CFAP299: variants seen among roughly 807,000 people sequenced by gnomAD.
The protein encoded by CFAP299 is cilia and flagella associated protein 299.
In CFAP299, 21 loss-of-function variants were observed where a neutral mutation model predicts 27.0. The observed-to-expected ratio is 0.78, with a 90% CI of 0.55 to 1.12. CFAP299 has a LOEUF of 1.12. CFAP299 is among the 50% of genes most tolerant of loss of function. CFAP299 has a pLI of 0.00. For missense variants in CFAP299, 310 were observed against 276.6 expected (o/e 1.12, Z -0.86); for synonymous variants, 104 against 98.1 (o/e 1.06, Z -0.36).
chr4:80,601,663 ATACC>A (rs1240983413), intron 3 of CFAP299, among the ~76,000 whole-genome samples: 5 of 152,172 alleles, frequency 3.3e-5, no homozygotes, highest in African/African-American at 1.2e-4. Context: ...ATAGTGGACA[ATACC>A]TAGGGTCACC....
intron 4 of CFAP299, among the ~76,000 whole-genome samples, chr4:80,891,463 T>C (rs1364687459): frequency 6.7e-6 from 1 of 150,164 alleles, no homozygotes; most frequent in Non-Finnish European, 1.5e-5. Context: ...ATGTCCTTTG[T>C]AGGGACATGG....
intron 2 of CFAP299, among the ~76,000 whole-genome samples, chr4:80,558,353 TGTTTG>T (rs1734877011): frequency 1.7e-4 from 24 of 143,760 alleles, no homozygotes; most frequent in African/African-American, 5.7e-4. Context: ...TTTGTTTGTT[TGTTTG>T]TTTGTTTGTT....
the CFAP299 span, among the ~76,000 whole-genome samples, chr4:80,324,948 C>A: frequency 6.6e-6 from 1 of 152,144 alleles, no homozygotes; most frequent in Admixed American, 6.5e-5. Context: ...CATGGCAAAA[C>A]CCTGTCTCTA....
chr4:80,914,618 T>A (rs1735655504), intron 4 of CFAP299, among the ~76,000 whole-genome samples: 1 of 152,164 alleles, frequency 6.6e-6, no homozygotes, highest in South Asian at 2.1e-4. Context: ...TAATTTACAT[T>A]TCTCTAATGA....
intron 3 of CFAP299, among the ~76,000 whole-genome samples, chr4:80,725,568 G>A (rs1457359211): frequency 1.3e-5 from 2 of 152,098 alleles, no homozygotes. Flanking sequence ...AATTAGTTAG[G>A]CAACTACCCC....
chr4:80,634,059 C>G (rs181350415), intron 3 of CFAP299, among the ~76,000 whole-genome samples: 1 of 148,988 alleles, frequency 6.7e-6, no homozygotes, highest in Admixed American at 6.7e-5. Flanking sequence ...TCTCGGCTCA[C>G]TGCATCCTTC....
intron 2 of CFAP299, among the ~76,000 whole-genome samples, chr4:80,469,137 C>T (rs1456919918): frequency 6.6e-6 from 1 of 152,132 alleles, no homozygotes; most frequent in Non-Finnish European, 1.5e-5. Context: ...ATCAGCATCA[C>T]CTGGGAATTT....
intron 2 of CFAP299, among the ~76,000 whole-genome samples, chr4:80,522,088 G>C (rs1258548389): frequency 6.6e-6 from 1 of 151,864 alleles, no homozygotes; most frequent in African/African-American, 2.4e-5. Context: ...CCCATCAAAA[G>C]TGCATAAGGG....
chr4:80,548,467 C>T (rs1734348723), intron 2 of CFAP299, among the ~76,000 whole-genome samples: 1 of 152,040 alleles, frequency 6.6e-6, no homozygotes, highest in African/African-American at 2.4e-5. Flanking sequence ...TGGGATTATT[C>T]GTATGTCAAG....
chr4:80,924,857 C>A (rs1736230328), intron 4 of CFAP299, among the ~76,000 whole-genome samples: 1 of 151,408 alleles, frequency 6.6e-6, no homozygotes, highest in African/African-American at 2.4e-5. Flanking sequence ...AATGCTTATG[C>A]TTATTACAAA....
At chr4:80,553,250 T>A (rs1480772572) in intron 2 of CFAP299, among the ~76,000 whole-genome samples, 1 of 152,124 alleles carries the variant, frequency 6.6e-6, no homozygotes, top group African/African-American at 2.4e-5. Context: ...CAGTATTTGG[T>A]TTTCTGTTGC....
chr4:80,393,573 A>C (rs758907140), intron 2 of CFAP299, among the ~76,000 whole-genome samples: 6 of 152,164 alleles, frequency 3.9e-5, no homozygotes, highest in Non-Finnish European at 5.9e-5. Context: ...GTTTAGATAC[A>C]CAAATACTTA....
chr4:80,833,098 T>C (rs1467077113), intron 3 of CFAP299, among the ~76,000 whole-genome samples: 1 of 152,142 alleles, frequency 6.6e-6, no homozygotes, highest in African/African-American at 2.4e-5. Context: ...TTTAACAATA[T>C]TTTACATTAC....
At chr4:80,924,560 A>C (rs866352703) in intron 4 of CFAP299, among the ~76,000 whole-genome samples, 1 of 148,316 alleles carries the variant, frequency 6.7e-6, no homozygotes, top group African/African-American at 2.5e-5. Flanking sequence ...ATATATATAT[A>C]TATCTGTGTC....
intron 4 of CFAP299, among the ~76,000 whole-genome samples, chr4:80,877,202 A>T (rs1289979892): frequency 6.6e-6 from 1 of 152,180 alleles, no homozygotes; most frequent in Non-Finnish European, 1.5e-5. Flanking sequence ...GTTCAAAAAA[A>T]TTTTGTAATA....
chr4:80,663,485 A>G (rs931052119), intron 3 of CFAP299, among the ~76,000 whole-genome samples: 6 of 152,166 alleles, frequency 3.9e-5, no homozygotes, highest in African/African-American at 7.2e-5. Context: ...TTATGGCTGC[A>G]TAGTATTCCA....
At chr4:80,810,705 C>T (rs1464303079) in intron 3 of CFAP299, among the ~76,000 whole-genome samples, 1 of 152,082 alleles carries the variant, frequency 6.6e-6, no homozygotes, top group African/African-American at 2.4e-5. Context: ...TTTCAGACTA[C>T]TGGCCTCAGG....
At chr4:80,415,641 T>C (rs112519038) in intron 2 of CFAP299, among the ~76,000 whole-genome samples, 14,935 of 152,208 alleles carry the variant, frequency 0.098, 1,005 homozygotes, top group Middle Eastern at 0.17. Context: ...TATAGACATT[T>C]GTTCCAATTA....
At chr4:80,749,340 A>G (rs1287093064) in intron 3 of CFAP299, among the ~76,000 whole-genome samples, 1 of 152,190 alleles carries the variant, frequency 6.6e-6, no homozygotes, top group Non-Finnish European at 1.5e-5. Flanking sequence ...ATAAGAATTA[A>G]AAAAATTCAT....
Sources: allele counts gnomAD v4.1 joint callset (sites outside exome capture counted in the v4.1 genomes callset), GRCh38; gene constraint gnomAD v4.1.1; transcripts MANE v1.5; gene names NCBI Gene and HGNC (gene_info 2026-07-23, HGNC 2026-07-21).